The following IQSEC2 variants were observed in gnomAD, a reference collection of about 807,000 sequenced individuals.
The protein encoded by IQSEC2 is IQ motif and Sec7 domain ArfGEF 2.
Under a neutral mutation model 74.6 loss-of-function variants are expected in IQSEC2, and 6 were observed. That is an observed-to-expected ratio of 0.08 (90% CI 0.04 to 0.16). The LOEUF (loss-of-function observed/expected upper bound fraction) is 0.16, where lower values mean the gene tolerates loss of function less well. Ranked by LOEUF, IQSEC2 falls within the 10% of genes least tolerant of loss-of-function variation. The probability of loss-of-function intolerance (pLI) is 1.00; values close to 1 mark genes in which losing one functional copy is unlikely to be tolerated. For missense variants in IQSEC2, 734 were observed against 1,306.2 expected (o/e 0.56, Z 6.75); for synonymous variants, 494 against 544.5 (o/e 0.91, Z 1.29).
At chrX:53,252,750 A>G (rs2074411130) in intron 4 of IQSEC2, among the ~76,000 whole-genome samples, 1 of 112,311 alleles carries the variant, frequency 8.9e-6, no homozygotes, top group South Asian at 3.7e-4. Flanking sequence ...GAAATAATAA[A>G]TGTTTATTGT....
chrX:53,227,406 C>G (rs1233989956), downstream of IQSEC2: 11 of 264,065 alleles, frequency 4.2e-5, no homozygotes, highest in African/African-American at 8.4e-5. Context: ...CAATGATACA[C>G]AGGAAGTTGC....
chrX:53,280,090 C>T (rs2074926998), intron 2 of IQSEC2, among the ~76,000 whole-genome samples: 1 of 107,876 alleles, frequency 9.3e-6, no homozygotes, highest in Non-Finnish European at 1.9e-5. Context: ...CAGGTGACTC[C>T]GTGGGGACCT....
chrX:53,261,003 G>T (rs782026103), intron 2 of IQSEC2, among the ~76,000 whole-genome samples: 1 of 110,800 alleles, frequency 9.0e-6, no homozygotes, highest in Non-Finnish European at 1.9e-5. Context: ...CCCCCGTTTT[G>T]GTTGCAAAGG....
Position 53,320,446 on chromosome X carries a change from G to A in IQSEC2, c.678C>T (p.Ser226=), listed in dbSNP as rs1166780238. The change falls in exon 1 of 15, where the codon AGC becomes AGT. Residue 226 remains serine (S), a synonymous_variant. Transcript: ENST00000642864. ...TCTGGAGGGTCGTGGCCGGGCTGGT[G>A]CTGGTACTGGTGCTGTGGCCTCCGC... is the stretch of plus-strand genomic sequence containing the variant. ...GAGGGHSTST[S]TSPATTLQRK... The A allele has an allele frequency of 2.6e-6, 3 of 1,166,547 alleles. No homozygotes were observed. In the East Asian group the frequency reaches 9.8e-5, roughly 38 times the overall value.
chrX:53,308,171 A>C (rs979900389), intron 1 of IQSEC2, among the ~76,000 whole-genome samples: 9 of 106,488 alleles, frequency 8.5e-5, no homozygotes, highest in Non-Finnish European at 1.7e-4. Flanking sequence ...CTCAAAAAAA[A>C]AAAAAAAAAA....
chrX:53,245,984 T>A (rs2074302177), intron 8 of IQSEC2, among the ~76,000 whole-genome samples: 1 of 107,686 alleles, frequency 9.3e-6, no homozygotes, highest in Non-Finnish European at 1.9e-5. Context: ...TGCCTCAGCC[T>A]CCTGAGTGGC....
chrX:53,315,892 C>CAG (rs2075365553), intron 1 of IQSEC2, among the ~76,000 whole-genome samples: 1 of 111,496 alleles, frequency 9.0e-6, no homozygotes, highest in Non-Finnish European at 1.9e-5. Flanking sequence ...CAAGTCTGGT[C>CAG]TGACGTCTTC....
At chrX:53,304,726 G>C (rs2075244009) in intron 1 of IQSEC2, among the ~76,000 whole-genome samples, 1 of 111,172 alleles carries the variant, frequency 9.0e-6, no homozygotes, top group Non-Finnish European at 1.9e-5. Flanking sequence ...CCCCTGGGAG[G>C]CTTGATCCAA....
intron 1 of IQSEC2, among the ~76,000 whole-genome samples, chrX:53,315,396 C>G (rs1429459770): frequency 9.0e-6 from 1 of 111,610 alleles, no homozygotes; most frequent in Non-Finnish European, 1.9e-5. Flanking sequence ...ATAAAACAAA[C>G]AAACAAACGA....
chrX:53,277,997 C>CTTTTTCTT (rs2074866024), intron 2 of IQSEC2, among the ~76,000 whole-genome samples: 1 of 73,939 alleles, frequency 1.4e-5, no homozygotes, highest in African/African-American at 5.5e-5. Flanking sequence ...CTTTTCTTTT[C>CTTTTTCTT]TTTTTCTTTT....
intron 12 of IQSEC2, 89 bp downstream of exon 12, chrX:53,238,056 A>C: frequency 9.7e-7 from 1 of 1,034,077 alleles, no homozygotes; most frequent in Non-Finnish European, 1.3e-6. Context: ...GCTAACCCTC[A>C]ACTCTGAGAT....
downstream of IQSEC2, chrX:53,230,319 G>A (rs899523553): frequency 1.8e-5 from 2 of 112,739 alleles, no homozygotes; most frequent in East Asian, 5.6e-4. Flanking sequence ...ACCAGGCTCT[G>A]TCCACTCCTG....
chrX:53,279,828 G>A, intron 2 of IQSEC2: 1 of 430,469 alleles, frequency 2.3e-6, no homozygotes, highest in Non-Finnish European at 4.1e-6. Context: ...GAGGCAGGGA[G>A]GGAGGAAAGG....
intron 4 of IQSEC2, among the ~76,000 whole-genome samples, chrX:53,253,452 G>A (rs1272573705): frequency 8.9e-6 from 1 of 111,928 alleles, no homozygotes; most frequent in East Asian, 2.8e-4. Context: ...AGCCTACAAC[G>A]ATCACCCACT....
intron 2 of IQSEC2, among the ~76,000 whole-genome samples, chrX:53,283,548 C>G (rs1440665789): frequency 8.9e-6 from 1 of 111,853 alleles, no homozygotes; most frequent in Non-Finnish European, 1.9e-5. Flanking sequence ...CCATGGGAAG[C>G]CTGTTTGTTT....
intron 2 of IQSEC2, among the ~76,000 whole-genome samples, chrX:53,270,859 TCTCTTCCTC>T: frequency 9.0e-6 from 1 of 110,858 alleles, no homozygotes; most frequent in East Asian, 2.8e-4. Context: ...ACTCCAGTCC[TCTCTTCCTC>T]CTGATCACCT....
chrX:53,277,264 T>C (rs1556869741), intron 2 of IQSEC2, among the ~76,000 whole-genome samples: 1 of 110,190 alleles, frequency 9.1e-6, no homozygotes, highest in Non-Finnish European at 1.9e-5. Flanking sequence ...CTGGCTGGAG[T>C]GCAGGGGCGC....
At chrX:53,293,998 C>T (rs1352572208) in intron 1 of IQSEC2, among the ~76,000 whole-genome samples, 2 of 111,288 alleles carry the variant, frequency 1.8e-5, no homozygotes, top group African/African-American at 6.5e-5. Context: ...GAGTGAACCC[C>T]AAAGCTCATG....
intron 1 of IQSEC2, among the ~76,000 whole-genome samples, chrX:53,311,113 C>T (rs1401083843): frequency 4.1e-4 from 3 of 7,293 alleles, no homozygotes; most frequent in Non-Finnish European, 8.2e-4. Context: ...GAACGAGAGA[C>T]TCCATCTCAA....
Sources: allele counts gnomAD v4.1 joint callset (sites outside exome capture counted in the v4.1 genomes callset), GRCh38; gene constraint gnomAD v4.1.1; transcripts MANE v1.5; gene names NCBI Gene and HGNC (gene_info 2026-07-23, HGNC 2026-07-21).